Variants in PLEKHH2 observed in about 807,000 individuals in gnomAD.
The protein encoded by PLEKHH2 is pleckstrin homology, MyTH4 and FERM domain containing H2, also known as pleckstrin homology domain-containing family H member 2.
Under a neutral mutation model 187.9 loss-of-function variants are expected in PLEKHH2, and 129 were observed. That is an observed-to-expected ratio of 0.69 (90% CI 0.59 to 0.79). The LOEUF is 0.79. Ranked by LOEUF, PLEKHH2 falls within the 30% of genes least tolerant of loss-of-function variation. The pLI, the probability that PLEKHH2 is intolerant of heterozygous loss-of-function variation, is 0.00. For synonymous variants in PLEKHH2, 686 were observed against 605.6 expected (o/e 1.13, Z -1.95); for missense variants, 2,076 against 1,751.2 (o/e 1.19, Z -3.31).
chr2:43,671,013 T>C (rs1306054140), intron 2 of PLEKHH2, among the ~76,000 whole-genome samples: 1 of 151,684 alleles, frequency 6.6e-6, no homozygotes, highest in South Asian at 2.1e-4. Context: ...AGATGAAGTG[T>C]CGCCCTTGTC....
At chr2:43,650,268 G>A (rs1267459199) in intron 2 of PLEKHH2, among the ~76,000 whole-genome samples, 1 of 151,124 alleles carries the variant, frequency 6.6e-6, no homozygotes, top group Admixed American at 6.6e-5. Context: ...GAGTAGCTGG[G>A]ATTACAGGTG....
chr2:43,682,193 A>T (rs988184547), intron 3 of PLEKHH2, among the ~76,000 whole-genome samples: 6 of 152,216 alleles, frequency 3.9e-5, no homozygotes, highest in Non-Finnish European at 8.8e-5. Context: ...CACACCAAAA[A>T]ATTACCAGTA....
intron 2 of PLEKHH2, among the ~76,000 whole-genome samples, chr2:43,648,766 G>A (rs1470411406): frequency 6.6e-6 from 1 of 151,722 alleles, no homozygotes; most frequent in Non-Finnish European, 1.5e-5. Context: ...TTTGGGTAGA[G>A]ACGGGGTTTC....
rs560980761 is a variant in PLEKHH2, at chr2:43,764,810, C to T, written c.4296+445C>T. Among the ~76,000 whole-genome samples the T allele has an allele frequency of 1.1e-3, 161 of 152,278 alleles. 1 individual carries two copies. The highest frequency in any genetic ancestry group is 3.4e-3 in the African/African-American group (140 of 41,566). ...TAATTAAAACATACTTGCTCCTTTA[C>T]GACTTTTAACAAACTGTGTAGTTTT... On this transcript the variant is annotated intron_variant, in intron 29 of 29. Transcript: ENST00000282406.
intron 2 of PLEKHH2, among the ~76,000 whole-genome samples, chr2:43,671,695 T>C (rs904119249): frequency 1.3e-5 from 2 of 152,238 alleles, no homozygotes; most frequent in Admixed American, 1.3e-4. Context: ...CAGATGATTT[T>C]TCTTCATCTA....
At chr2:43,657,547 G>C (rs754842180) in intron 2 of PLEKHH2, among the ~76,000 whole-genome samples, 12 of 152,298 alleles carry the variant, frequency 7.9e-5, no homozygotes, top group South Asian at 4.1e-4. Flanking sequence ...GCCCATCACA[G>C]GGTGGCCCAG....
chr2:43,652,772 G>A (rs1331603645), intron 2 of PLEKHH2, among the ~76,000 whole-genome samples: 4 of 152,236 alleles, frequency 2.6e-5, no homozygotes, highest in South Asian at 4.1e-4. Context: ...CCTCTAACAC[G>A]AAAGACAGGG....
At chr2:43,748,820 G>C (rs1418807909) in intron 24 of PLEKHH2, among the ~76,000 whole-genome samples, 3 of 151,656 alleles carry the variant, frequency 2.0e-5, no homozygotes, top group Non-Finnish European at 4.4e-5. Context: ...GCAATGGCAC[G>C]ATCTCAGCTT....
chr2:43,756,388 G>A (rs988463175), intron 25 of PLEKHH2, among the ~76,000 whole-genome samples: 1 of 152,004 alleles, frequency 6.6e-6, no homozygotes, highest in Non-Finnish European at 1.5e-5. Context: ...CGCCTCCTGG[G>A]TTCAAGCGAT....
At chr2:43,737,914 A>T (rs2104586790) in intron 19 of PLEKHH2, among the ~76,000 whole-genome samples, 1 of 152,312 alleles carries the variant, frequency 6.6e-6, no homozygotes, top group Non-Finnish European at 1.5e-5. Context: ...CATGTTCAGG[A>T]AGGTAAAGGA....
chr2:43,660,453 T>C (rs1263241789), intron 2 of PLEKHH2, among the ~76,000 whole-genome samples: 4 of 150,892 alleles, frequency 2.7e-5, no homozygotes, highest in African/African-American at 9.8e-5. Flanking sequence ...TTTTTTTTTT[T>C]TGCCAATTAA....
intron 23 of PLEKHH2, among the ~76,000 whole-genome samples, chr2:43,744,347 G>T (rs951864561): frequency 3.3e-5 from 5 of 152,106 alleles, no homozygotes; most frequent in Non-Finnish European, 5.9e-5. Context: ...TATCCCAGGG[G>T]CTGGCTGGAC....
chr2:43,762,322 C>T lies in PLEKHH2; in HGVS notation c.4090C>T (p.Leu1364Phe). 6.2e-7 allele frequency: 1 copy of T among 1,612,116 alleles called. No individual in the cohort carries two copies. The highest frequency in any genetic ancestry group is 1.7e-4 in the Middle Eastern group (1 of 6,056). The change falls in exon 28 of 30, where the codon CTT (leucine) becomes TTT (phenylalanine). Residue 1364 changes from leucine to phenylalanine, a missense_variant. Transcript: ENST00000282406. ...FLAKPITPSS[L>F]GSTFLWLAVH... is the part of the protein sequence containing the mutation. ...TTCATAGCCCATAACTCCATCATCA[C>T]TTGGAAGTACTTTCTTGTGGCTGGC...
intron 8 of PLEKHH2, among the ~76,000 whole-genome samples, chr2:43,701,287 A>G (rs2104489113): frequency 6.6e-6 from 1 of 152,326 alleles, no homozygotes; most frequent in Admixed American, 6.5e-5. Flanking sequence ...GCAGGCAGCT[A>G]CTTCTCAAGA....
At chr2:43,659,959 A>G (rs62138787) in intron 2 of PLEKHH2, among the ~76,000 whole-genome samples, 24,765 of 152,122 alleles carry the variant, frequency 0.16, 2,197 homozygotes, top group Middle Eastern at 0.29. Context: ...TGGCAAATAT[A>G]TATGATTCCG....
intron 19 of PLEKHH2, 132 bp from the exon 20 acceptor site, chr2:43,738,209 T>C (rs1671388441): frequency 1.2e-5 from 8 of 682,936 alleles, no homozygotes; most frequent in Non-Finnish European, 1.8e-5. Context: ...TTCTTTTGAT[T>C]AGTGTTATCA....
chr2:43,666,464 G>A (rs968325251), intron 2 of PLEKHH2, among the ~76,000 whole-genome samples: 12 of 147,190 alleles, frequency 8.2e-5, no homozygotes, highest in Admixed American at 2.0e-4. Flanking sequence ...GCTGTAGACC[G>A]GAGCTGTTCC....
At chr2:43,711,496 T>C (rs1397000609) in intron 14 of PLEKHH2, 3 of 953,848 alleles carry the variant, frequency 3.1e-6, no homozygotes, top group African/African-American at 3.6e-5. Context: ...TCTTATTTTA[T>C]TTATAGTTGA....
At position 43,675,448 on chromosome 2, in the gene PLEKHH2, C is replaced by T. The variant is rs114646662; in HGVS notation, c.124-3415C>T. The T allele has an allele frequency of 4.2e-4, 675 of 1,612,998 alleles. 1 individual carries two copies. The African/African-American group carries it at 7.8e-3, about 19-fold the overall frequency. ...GAAATAGTGTCCAAATGCCCTGAGC[C>T]GGTACAGGCCATACATCATTACTTC... On this transcript the variant is annotated intron_variant, in intron 2 of 29. Transcript: ENST00000282406.
Sources: allele counts gnomAD v4.1 joint callset (sites outside exome capture counted in the v4.1 genomes callset), GRCh38; gene constraint gnomAD v4.1.1; transcripts MANE v1.5; gene names NCBI Gene and HGNC (gene_info 2026-07-23, HGNC 2026-07-21).